Variants in CACYBP observed in about 807,000 individuals in gnomAD.
CACYBP encodes calcyclin-binding protein.
A neutral mutation model predicts 29.6 loss-of-function variants in CACYBP; 11 were observed. The ratio of observed to expected loss-of-function variants is 0.37; its 90% CI spans 0.23 to 0.61. The LOEUF (loss-of-function observed/expected upper bound fraction) is 0.61. CACYBP is among the 20% of genes least tolerant of loss of function. The pLI, the probability that CACYBP is intolerant of heterozygous loss-of-function variation, is 0.65. For missense variants in CACYBP, 163 were observed against 260.7 expected (o/e 0.63, Z 2.58); for synonymous variants, 73 against 88.3 (o/e 0.83, Z 0.97).
At chr1:175,006,601 A>C (rs1241355789) in intron 2 of CACYBP, 144 bp from the exon 3 acceptor site, 1 of 536,216 alleles carries the variant, frequency 1.9e-6, no homozygotes, top group Non-Finnish European at 3.3e-6. Flanking sequence ...AACCTAGAAA[A>C]TTTCTTATAT....
At chr1:175,006,617 A>AT in intron 2 of CACYBP, 128 bp from the exon 3 acceptor site, 1 of 551,106 alleles carries the variant, frequency 1.8e-6, no homozygotes, top group South Asian at 2.7e-5. Context: ...TATATTTCAA[A>AT]TTTTTTCATG....
At chr1:175,000,293 G>A (rs1672437521) in intron 1 of CACYBP, 98 bp downstream of exon 1, 1 of 1,523,774 alleles carries the variant, frequency 6.6e-7, no homozygotes, top group Non-Finnish European at 8.8e-7. Context: ...GCCGCCCTGC[G>A]GCCACCCGGT....
At position 175,003,544 on chromosome 1, in the gene CACYBP, GACT is replaced by G. The variant is rs373145163; in HGVS notation, c.16-1068_16-1066del. Among the ~76,000 whole-genome samples the G allele has an allele frequency of 9.2e-5, 14 of 152,328 alleles. No individual in the cohort carries two copies. In the East Asian group the frequency reaches 2.7e-3, roughly 29 times the overall value. On this transcript the variant is annotated intron_variant, in intron 1 of 5. Transcript: ENST00000367679. The stretch of plus-strand genomic sequence containing the variant: ...TTAGTTCTGTTATTGCATTTTATAA[GACT>G]ATTAAGAAACAGGCTTTCAAACTCT...
At chr1:175,009,168 C>G (rs1479353481) in intron 5 of CACYBP, among the ~76,000 whole-genome samples, 1 of 152,078 alleles carries the variant, frequency 6.6e-6, no homozygotes, top group Non-Finnish European at 1.5e-5. Flanking sequence ...AAGACCCAGG[C>G]CCAGATCTGT....
chr1:175,000,001 C>T lies in CACYBP; in HGVS notation c.-180C>T. On this transcript the variant is annotated 5_prime_UTR_variant, in exon 1 of 6. Coordinates refer to ENST00000367679, the MANE Select transcript of CACYBP (RefSeq NM_014412.3). ...TGGCGGCGGCTGCCTCGCGAAGGTT[C>T]GAGATCCGTCGCGTGCGGGAGGCGG... 4.6e-6 allele frequency: 4 copies of T among 877,050 alleles called. No homozygotes were observed. Among genetic ancestry groups the T allele is most frequent in the Non-Finnish European group, 1.8e-6 (1 of 565,392 alleles). The allele number at this position is 877,050 out of a possible 1,614,324, so 54.3% of individuals were successfully genotyped here.
chr1:175,006,865 A>G, intron 3 of CACYBP, 24 bp downstream of exon 3: 1 of 1,266,712 alleles, frequency 7.9e-7, no homozygotes, highest in South Asian at 1.2e-5. Flanking sequence ...ATAATGGGAA[A>G]GACAGTGAAT....
chr1:175,000,383 A>C, intron 1 of CACYBP, 188 bp downstream of exon 1: 1 of 1,415,332 alleles, frequency 7.1e-7, no homozygotes, highest in Non-Finnish European at 9.2e-7. Flanking sequence ...CAGCGCTTCC[A>C]CTCGACCTCG....
chr1:175,004,517 C>G, intron 1 of CACYBP, 97 bp from the exon 2 acceptor site: 1 of 713,144 alleles, frequency 1.4e-6, no homozygotes, highest in South Asian at 2.3e-5. Flanking sequence ...CTTCTTAATT[C>G]TTAGTGCTTA....
Position 175,000,227 on chromosome 1 carries a change from C to T in CACYBP, c.15+32C>T, listed in dbSNP as rs755446512. 1.8e-5 allele frequency: 28 copies of T among 1,591,448 alleles called. No homozygotes were observed. The African/African-American group carries it at 2.5e-4, about 14-fold the overall frequency. ...GGTCCGGCCCCATATTCCTTATGCCCCCCGGCTGGAGCTGCAGCGCCAGCC... is the reference window on the plus strand; with the variant it reads ...GGTCCGGCCCCATATTCCTTATGCCTCCCGGCTGGAGCTGCAGCGCCAGCC... On this transcript the variant is annotated intron_variant, in intron 1 of 5. Coordinates refer to ENST00000367679, the MANE Select transcript of CACYBP (RefSeq NM_014412.3).
At position 175,011,549 on chromosome 1, in the gene CACYBP, T is replaced by C. The variant is rs1672757832; in HGVS notation, c.*1470T>C. 6.6e-6 allele frequency: 1 copy of C among 152,046 alleles called. No homozygotes were observed. Among genetic ancestry groups the C allele is most frequent in the Admixed American group, 6.6e-5 (1 of 15,264 alleles). The allele number at this position is 152,046 out of a possible 1,614,324, so 9.4% of individuals were successfully genotyped here. A position where few individuals can be genotyped will look rare whatever the true frequency, so the allele number is the denominator to read the frequency against. On this transcript the variant is annotated 3_prime_UTR_variant, in exon 6 of 6. Coordinates refer to ENST00000367679, the MANE Select transcript of CACYBP (RefSeq NM_014412.3). The stretch of plus-strand genomic sequence containing the variant: ...GATCAATTTTAACTACATAAAAATG[T>C]TTATAGGACAAGAAAAACCCCACCA...
intron 4 of CACYBP, among the ~76,000 whole-genome samples, chr1:175,007,753 C>A (rs61828156): frequency 6.6e-6 from 1 of 152,050 alleles, no homozygotes; most frequent in Admixed American, 6.5e-5. Context: ...GCATAATACT[C>A]GTATACATAA....
chr1:175,009,282 A>T (rs2149412169), intron 5 of CACYBP, among the ~76,000 whole-genome samples: 1 of 152,110 alleles, frequency 6.6e-6, no homozygotes, highest in South Asian at 2.1e-4. Flanking sequence ...GTTTTTTTTC[A>T]AATTATGAGG....
upstream of CACYBP, chr1:174,999,731 CT>C (rs765660881): frequency 7.6e-6 from 2 of 262,536 alleles, no homozygotes; most frequent in Non-Finnish European, 1.5e-5. Context: ...CGGTTCCGAG[CT>C]GCGACTGCGC....
intron 1 of CACYBP, among the ~76,000 whole-genome samples, chr1:175,001,764 C>T (rs1190672169): frequency 6.6e-6 from 1 of 152,164 alleles, no homozygotes; most frequent in Admixed American, 6.5e-5. Flanking sequence ...TTGTTTGAGA[C>T]GGAGTCTCGC....
chr1:174,999,914 G>C (rs1672417922), upstream of CACYBP: 1 of 541,174 alleles, frequency 1.8e-6, no homozygotes, highest in Non-Finnish European at 3.2e-6. Flanking sequence ...GCTAGGCTCG[G>C]CGAGGCGAGG....
chr1:175,005,739 G>A (rs1292259404), intron 2 of CACYBP, among the ~76,000 whole-genome samples: 1 of 152,212 alleles, frequency 6.6e-6, no homozygotes, highest in African/African-American at 2.4e-5. Flanking sequence ...GTCTGAAGGT[G>A]TTGAGGATTA....
At chr1:175,001,603 C>T (rs1025347986) in intron 1 of CACYBP, among the ~76,000 whole-genome samples, 1 of 152,160 alleles carries the variant, frequency 6.6e-6, no homozygotes, top group South Asian at 2.1e-4. Context: ...TTTTTTGGCT[C>T]CTTCAACTTA....
chr1:175,003,927 T>TA (rs1312483693), intron 1 of CACYBP, among the ~76,000 whole-genome samples: 1 of 152,214 alleles, frequency 6.6e-6, no homozygotes, highest in Non-Finnish European at 1.5e-5. Flanking sequence ...TTTCAAAAGA[T>TA]AATTTCCAAG....
At chr1:174,999,920 C>A, upstream of CACYBP, 1 of 542,070 alleles carries the variant, frequency 1.8e-6, no homozygotes, top group Non-Finnish European at 3.2e-6. Context: ...CTCGGCGAGG[C>A]GAGGAAGGGT....
Sources: allele counts gnomAD v4.1 joint callset (sites outside exome capture counted in the v4.1 genomes callset), GRCh38; gene constraint gnomAD v4.1.1; transcripts MANE v1.5; gene names NCBI Gene and HGNC (gene_info 2026-07-23, HGNC 2026-07-21).